GTF2I: variants seen among roughly 807,000 people sequenced by gnomAD.
GTF2I encodes general transcription factor II-I.
GTF2I carries 12 observed loss-of-function variants against 67.6 expected under a neutral mutation model. That is an observed-to-expected ratio of 0.18 (90% CI 0.11 to 0.29). The LOEUF is 0.29. GTF2I is among the 10% of genes least tolerant of loss of function. GTF2I has a pLI of 1.00. For synonymous variants in GTF2I, 149 were observed against 197.0 expected, an observed-to-expected ratio of 0.76 and a Z score of 2.04; for missense variants, 271 against 580.1, an observed-to-expected ratio of 0.47 and a Z score of 5.47.
intron 1 of GTF2I, among the ~76,000 whole-genome samples, chr7:74,672,260 C>T (rs1045980266): frequency 2.0e-5 from 3 of 152,052 alleles, no homozygotes; most frequent in Non-Finnish European, 2.9e-5. Context: ...AACCTCTGGC[C>T]GGGCACGATG....
intron 1 of GTF2I, among the ~76,000 whole-genome samples, chr7:74,677,543 G>T (rs1806003342): frequency 6.6e-6 from 1 of 151,908 alleles, no homozygotes; most frequent in Admixed American, 6.6e-5. Flanking sequence ...CACTTTGGGA[G>T]GCTGAGGCGG....
At chr7:74,700,523 T>C in intron 5 of GTF2I, 83 bp from the exon 6 acceptor site, 1 of 1,591,752 alleles carries the variant, frequency 6.3e-7, no homozygotes, top group South Asian at 1.1e-5. Context: ...AATTCATATT[T>C]AACACAGAAG....
intron 8 of GTF2I, among the ~76,000 whole-genome samples, chr7:74,710,341 T>C (rs1403554661): frequency 2.6e-5 from 4 of 152,176 alleles, no homozygotes; most frequent in Non-Finnish European, 1.5e-5. Context: ...TTTCTTTTTT[T>C]TTGAGAGGGA....
chr7:74,710,310 C>T (rs1409868993), intron 8 of GTF2I, among the ~76,000 whole-genome samples: 1 of 152,068 alleles, frequency 6.6e-6, no homozygotes, highest in Non-Finnish European at 1.5e-5. Context: ...TGTATGTGCA[C>T]CCATGCATTG....
At chr7:74,690,322 T>C (rs1240894299) in intron 2 of GTF2I, among the ~76,000 whole-genome samples, 3 of 152,224 alleles carry the variant, frequency 2.0e-5, no homozygotes, top group Non-Finnish European at 4.4e-5. Context: ...AATAATGTTA[T>C]CAGTAAATCA....
At chr7:74,704,981 A>T (rs587707290) in intron 6 of GTF2I, among the ~76,000 whole-genome samples, 183 bp from the exon 7 acceptor site, 1 of 152,234 alleles carries the variant, frequency 6.6e-6, no homozygotes, top group South Asian at 2.1e-4. Context: ...ACTGATGAAA[A>T]TAAGAGCTTT....
intron 8 of GTF2I, among the ~76,000 whole-genome samples, chr7:74,708,941 A>G (rs587599229): frequency 6.6e-6 from 1 of 152,346 alleles, no homozygotes; most frequent in Non-Finnish European, 1.5e-5. Flanking sequence ...GGGGGGACAC[A>G]GTGTTCCAGC....
intron 3 of GTF2I, among the ~76,000 whole-genome samples, chr7:74,694,072 C>T (rs1788638951): frequency 6.6e-6 from 1 of 152,174 alleles, no homozygotes; most frequent in African/African-American, 2.4e-5. Context: ...ACTGCTGCTC[C>T]AGTGAACACG....
At chr7:74,723,275 G>A (rs1311362675) in intron 12 of GTF2I, among the ~76,000 whole-genome samples, 2 of 151,428 alleles carry the variant, frequency 1.3e-5, no homozygotes, top group South Asian at 2.1e-4. Context: ...ATAGGCGCCC[G>A]CCACCATGCC....
rs1260662016 is a variant in GTF2I at position 74,700,764 on chromosome 7, A to G, written c.586+130A>G. Reference sequence around the variant, plus strand: ...AGACATTTTCGGATGGGCTGTTTAGATGTTTATATAATCCACAAAAGGTTC... The same window carrying G: ...AGACATTTTCGGATGGGCTGTTTAGGTGTTTATATAATCCACAAAAGGTTC... On this transcript the variant is annotated intron_variant, in intron 6 of 34. Coordinates refer to ENST00000573035, the MANE Select transcript of GTF2I (RefSeq NM_032999.4). 28 of 896,088 alleles carry G rather than the reference A, an allele frequency of 3.1e-5. No individual in the cohort carries two copies. Among genetic ancestry groups the G allele is most frequent in the Non-Finnish European group, 4.9e-5 (27 of 550,344 alleles). The allele number at this position is 896,088 out of a possible 1,614,324, so 55.5% of individuals were successfully genotyped here. A position where few individuals can be genotyped will look rare whatever the true frequency, so the allele number is the denominator to read the frequency against.
chr7:74,662,850 G>GA (rs1395894977), intron 1 of GTF2I, among the ~76,000 whole-genome samples: 1 of 152,026 alleles, frequency 6.6e-6, no homozygotes, highest in African/African-American at 2.4e-5. Context: ...TCTTTCCGGG[G>GA]AAAATAACCG....
chr7:74,680,108 ATATATATATG>A (rs1205166863), intron 1 of GTF2I, among the ~76,000 whole-genome samples: 4 of 123,328 alleles, frequency 3.2e-5, no homozygotes, highest in African/African-American at 1.3e-4. Flanking sequence ...AAATATATAT[ATATATATATG>A]TATGTATGTA....
intron 3 of GTF2I, among the ~76,000 whole-genome samples, chr7:74,694,094 G>A (rs1554397788): frequency 6.6e-6 from 1 of 152,184 alleles, no homozygotes; most frequent in African/African-American, 2.4e-5. Context: ...AAATGATAAA[G>A]CAAAACAGCT....
chr7:74,659,046 C>G (rs1462137672), intron 1 of GTF2I, among the ~76,000 whole-genome samples: 3 of 150,090 alleles, frequency 2.0e-5, no homozygotes, highest in Non-Finnish European at 4.4e-5. Flanking sequence ...AGTGTCCACT[C>G]TTGGCGATGC....
intron 1 of GTF2I, among the ~76,000 whole-genome samples, chr7:74,682,509 G>C (rs1294626798): frequency 1.3e-5 from 2 of 152,154 alleles, no homozygotes; most frequent in Non-Finnish European, 2.9e-5. Flanking sequence ...CTTGTGGCCT[G>C]GGTTAACTTC....
chr7:74,700,003 GCTCT>G (rs1479279804), intron 4 of GTF2I: 14 of 388,492 alleles, frequency 3.6e-5, no homozygotes, highest in South Asian at 1.2e-4. Context: ...ACCAACCATT[GCTCT>G]CTCTATGTGT....
intron 1 of GTF2I, among the ~76,000 whole-genome samples, chr7:74,671,525 G>T (rs202209517): frequency 6.6e-6 from 1 of 150,398 alleles, no homozygotes; most frequent in Non-Finnish European, 1.5e-5. Flanking sequence ...CTTTAAGTAC[G>T]AATACAACAC....
intron 1 of GTF2I, chr7:74,684,772 C>T (rs1354483565): frequency 6.6e-6 from 1 of 152,248 alleles, no homozygotes; most frequent in African/African-American, 2.4e-5. Flanking sequence ...GGACCTTCAT[C>T]ACCAGGGGCG....
At chr7:74,694,855 G>A (rs1041594425) in intron 3 of GTF2I, among the ~76,000 whole-genome samples, 7 of 152,288 alleles carry the variant, frequency 4.6e-5, no homozygotes, top group Non-Finnish European at 8.8e-5. Flanking sequence ...GGTTAACGCC[G>A]CTGGTTACTT....
Sources: gnomAD v4.1 joint callset for allele counts (sites outside exome capture counted in the v4.1 genomes callset) on GRCh38, gnomAD v4.1.1 for gene constraint, MANE v1.5 for transcripts, NCBI Gene and HGNC (gene_info 2026-07-23, HGNC 2026-07-21) for gene names.